SUMF1: variants seen among roughly 807,000 people sequenced by gnomAD.
SUMF1 encodes formylglycine-generating enzyme.
SUMF1 carries 48 observed loss-of-function variants against 47.6 expected under a neutral mutation model. The ratio of observed to expected loss-of-function variants is 1.01; its 90% CI spans 0.80 to 1.28. SUMF1 has a LOEUF of 1.28. SUMF1 is among the 50% of genes most tolerant of loss of function. The pLI, the probability that SUMF1 is intolerant of heterozygous loss-of-function variation, is 0.00. For synonymous variants in SUMF1, 230 were observed against 192.1 expected (o/e 1.20, Z -1.63); for missense variants, 571 against 485.4 (o/e 1.18, Z -1.66).
chr3:4,334,204 T>C (rs6763496), intron 8 of SUMF1, among the ~76,000 whole-genome samples: 62,613 of 152,040 alleles, frequency 0.41, 14,909 homozygotes, highest in African/African-American at 0.66. Flanking sequence ...GCATAAAGGC[T>C]AGATATCAGC....
intron 8 of SUMF1, among the ~76,000 whole-genome samples, chr3:4,206,572 G>A (rs1412736426): frequency 1.3e-5 from 2 of 152,106 alleles, no homozygotes; most frequent in East Asian, 3.9e-4. Context: ...GGCACTGCCA[G>A]AAGATGTGGC....
intron 8 of SUMF1, among the ~76,000 whole-genome samples, chr3:4,234,378 T>C (rs1306786222): frequency 1.3e-5 from 2 of 152,108 alleles, no homozygotes; most frequent in Admixed American, 6.6e-5. Flanking sequence ...TTGGAAACTT[T>C]ACCTTCAGGT....
intron 3 of SUMF1, among the ~76,000 whole-genome samples, chr3:4,442,169 G>A (rs1284195773): frequency 2.6e-5 from 4 of 152,054 alleles, no homozygotes; most frequent in African/African-American, 9.7e-5. Context: ...ACACTGGAAG[G>A]AATTTTGCCC....
intron 8 of SUMF1, among the ~76,000 whole-genome samples, chr3:4,094,205 A>C (rs1485590058): frequency 6.6e-6 from 1 of 152,080 alleles, no homozygotes; most frequent in Non-Finnish European, 1.5e-5. Flanking sequence ...AACAGTTGAG[A>C]AGCCTATCGG....
intron 8 of SUMF1, among the ~76,000 whole-genome samples, chr3:4,256,840 A>T (rs1288913425): frequency 2.8e-5 from 4 of 144,534 alleles, no homozygotes; most frequent in South Asian, 2.3e-4. Context: ...TCCTTGATGA[A>T]CATTGATGCA....
intron 8 of SUMF1, chr3:4,303,614 G>C (rs1200697808): frequency 7.2e-7 from 1 of 1,381,600 alleles, no homozygotes. Flanking sequence ...CGGCCTCCCA[G>C]TCGCGACCTT....
At chr3:4,465,105 G>A (rs898097157) in intron 1 of SUMF1, among the ~76,000 whole-genome samples, 9 of 152,188 alleles carry the variant, frequency 5.9e-5, no homozygotes, top group Non-Finnish European at 1.0e-4. Context: ...TTTTGAGACA[G>A]ACCAATGTAT....
chr3:4,367,923 T>C (rs995178190), intron 8 of SUMF1, among the ~76,000 whole-genome samples: 1 of 151,944 alleles, frequency 6.6e-6, no homozygotes, highest in Non-Finnish European at 1.5e-5. Flanking sequence ...GACATAGGCA[T>C]GGGCAAGGAC....
chr3:4,447,554 A>G lies in SUMF1; in HGVS notation c.519+1712T>C, dbSNP rs114080999. Among the ~76,000 whole-genome samples the G allele has an allele frequency of 2.7e-3, 405 of 151,294 alleles. 6 individuals carry two copies. Among genetic ancestry groups the G allele is most frequent in the African/African-American group, 9.5e-3 (390 of 41,148 alleles). ...TACCTCGTAGGCCAACTCACATCTT[A>G]CTCTTCTGGAGACACTGGGTTACAA... is the stretch of plus-strand genomic sequence containing the variant. On this transcript the variant is annotated intron_variant, in intron 3 of 8. Coordinates refer to ENST00000272902, the MANE Select transcript of SUMF1 (RefSeq NM_182760.4).
intron 8 of SUMF1, among the ~76,000 whole-genome samples, chr3:4,133,954 A>T (rs1464424688): frequency 6.6e-6 from 1 of 152,020 alleles, no homozygotes; most frequent in East Asian, 1.9e-4. Context: ...GAATCTGGGG[A>T]TACTCAGCTC....
At chr3:4,400,418 T>A (rs369727600) in intron 7 of SUMF1, among the ~76,000 whole-genome samples, 21 of 152,338 alleles carry the variant, frequency 1.4e-4, no homozygotes, top group African/African-American at 5.1e-4. Flanking sequence ...CCATTAGGAA[T>A]TCTGAGATTC....
intron 8 of SUMF1, among the ~76,000 whole-genome samples, chr3:4,121,850 T>G (rs1693551865): frequency 6.6e-6 from 1 of 152,112 alleles, no homozygotes; most frequent in Admixed American, 6.6e-5. Flanking sequence ...TTATTTTTCC[T>G]GATCCTCTCC....
chr3:4,181,473 C>A (rs1214314432), intron 8 of SUMF1, among the ~76,000 whole-genome samples: 1 of 152,112 alleles, frequency 6.6e-6, no homozygotes, highest in Admixed American at 6.6e-5. Flanking sequence ...AGAGGCTGGA[C>A]AGAGAGAAAA....
intron 8 of SUMF1, among the ~76,000 whole-genome samples, chr3:4,195,715 C>G (rs528208332): frequency 6.6e-6 from 1 of 152,224 alleles, no homozygotes; most frequent in East Asian, 1.9e-4. Flanking sequence ...TTTATTTAAT[C>G]AGAGACACTA....
At chr3:4,066,589 T>C (rs1460248445) in intron 9 of SUMF1, among the ~76,000 whole-genome samples, 2 of 152,128 alleles carry the variant, frequency 1.3e-5, no homozygotes, top group African/African-American at 4.8e-5. Context: ...AGACCCATTA[T>C]TCCTCCTGAC....
chr3:4,173,162 T>C (rs151093799), intron 8 of SUMF1, among the ~76,000 whole-genome samples: 227 of 152,308 alleles, frequency 1.5e-3, no homozygotes, highest in African/African-American at 5.1e-3. Context: ...GAGATGGTTG[T>C]ATATGTGTGG....
At chr3:4,277,343 A>G (rs1001843156) in intron 8 of SUMF1, among the ~76,000 whole-genome samples, 1 of 152,204 alleles carries the variant, frequency 6.6e-6, no homozygotes, top group Non-Finnish European at 1.5e-5. Context: ...TTATCAACAT[A>G]AATTATAATT....
chr3:4,176,354 A>G (rs1694960206), intron 8 of SUMF1, among the ~76,000 whole-genome samples: 1 of 152,200 alleles, frequency 6.6e-6, no homozygotes, highest in South Asian at 2.1e-4. Context: ...CAGAAACCCT[A>G]CAAGCTAGAA....
At chr3:4,313,372 G>C (rs755339402) in intron 8 of SUMF1, 2 of 1,613,886 alleles carry the variant, frequency 1.2e-6, no homozygotes, top group South Asian at 2.2e-5. Flanking sequence ...AACATTTGTT[G>C]ACCCTACTTA....
Sources: allele counts gnomAD v4.1 joint callset (sites outside exome capture counted in the v4.1 genomes callset), GRCh38; gene constraint gnomAD v4.1.1; transcripts MANE v1.5; gene names NCBI Gene and HGNC (gene_info 2026-07-23, HGNC 2026-07-21).